The following CPQ variants were observed in gnomAD, a reference collection of about 807,000 sequenced individuals.
The protein encoded by CPQ is carboxypeptidase Q.
A neutral mutation model predicts 45.7 loss-of-function variants in CPQ; 37 were observed. The ratio of observed to expected loss-of-function variants is 0.81; its 90% CI spans 0.62 to 1.07. The LOEUF (loss-of-function observed/expected upper bound fraction) is 1.07, where lower values mean the gene tolerates loss of function less well. Among genes scored for constraint, CPQ ranks in the 50% least tolerant of loss-of-function variants. The pLI, the probability that CPQ is intolerant of heterozygous loss-of-function variation, is 0.00. For missense variants in CPQ, 537 were observed against 572.9 expected, an observed-to-expected ratio of 0.94 and a Z score of 0.64; for synonymous variants, 186 against 205.8, an observed-to-expected ratio of 0.90 and a Z score of 0.82.
chr8:96,940,872 A>G (rs1251217580), intron 4 of CPQ, among the ~76,000 whole-genome samples: 2 of 152,122 alleles, frequency 1.3e-5, no homozygotes, highest in Non-Finnish European at 2.9e-5. Flanking sequence ...AGGAGACATT[A>G]AACGTTCTAT....
chr8:96,843,599 A>G (rs1811645931), intron 3 of CPQ, among the ~76,000 whole-genome samples: 1 of 152,184 alleles, frequency 6.6e-6, no homozygotes, highest in Non-Finnish European at 1.5e-5. Context: ...GCAATTCTGC[A>G]GACAGACTGT....
chr8:96,818,872 T>C lies in CPQ; in HGVS notation c.434-16101T>C, dbSNP rs76149126. On this transcript the variant is annotated intron_variant, in intron 2 of 7. Coordinates refer to ENST00000220763, the MANE Select transcript of CPQ (RefSeq NM_016134.4). ...CAAATCCTTCTTTCCTTTTTCTAATTGCACTCCTTTTATACTCCCGTATCA... is the reference window on the plus strand; with the variant it reads ...CAAATCCTTCTTTCCTTTTTCTAATCGCACTCCTTTTATACTCCCGTATCA... Among the ~76,000 whole-genome samples, 38 of 152,228 alleles carry C rather than the reference T, an allele frequency of 2.5e-4. 1 individual carries two copies. In the East Asian group the frequency reaches 7.4e-3, roughly 30 times the overall value.
chr8:96,927,033 T>C (rs1413003479), intron 4 of CPQ, among the ~76,000 whole-genome samples: 2 of 152,222 alleles, frequency 1.3e-5, no homozygotes, highest in Non-Finnish European at 2.9e-5. Flanking sequence ...ACATGAGAAA[T>C]TTAGGTAGCA....
At chr8:96,696,755 C>T (rs113877278) in intron 1 of CPQ, among the ~76,000 whole-genome samples, 3,677 of 151,956 alleles carry the variant, frequency 0.024, 164 homozygotes, top group African/African-American at 0.084. Context: ...TGCCAATAAA[C>T]TTGAAAACCT....
intron 6 of CPQ, among the ~76,000 whole-genome samples, chr8:97,044,099 TG>T (rs1454644669): frequency 2.4e-3 from 372 of 152,316 alleles, no homozygotes; most frequent in Non-Finnish European, 4.3e-3. Flanking sequence ...GGTTCCATTC[TG>T]CCTGTCACTT....
intron 4 of CPQ, among the ~76,000 whole-genome samples, chr8:96,908,196 G>T (rs1383929262): frequency 6.6e-6 from 1 of 151,850 alleles, no homozygotes; most frequent in Non-Finnish European, 1.5e-5. Context: ...GGAGAAGAGA[G>T]AGAGAAGAGA....
intron 7 of CPQ, among the ~76,000 whole-genome samples, chr8:97,103,470 A>G (rs1811351640): frequency 6.6e-6 from 1 of 152,198 alleles, no homozygotes; most frequent in African/African-American, 2.4e-5. Flanking sequence ...CTCCTGTCTT[A>G]TCTCTACTTG....
chr8:96,924,371 T>C (rs771732609), intron 4 of CPQ, among the ~76,000 whole-genome samples: 2 of 152,218 alleles, frequency 1.3e-5, no homozygotes, highest in Admixed American at 6.5e-5. Flanking sequence ...TATGTATAGC[T>C]TCCCTTTCTC....
At chr8:96,831,335 G>A (rs1484011889) in intron 2 of CPQ, among the ~76,000 whole-genome samples, 1 of 152,090 alleles carries the variant, frequency 6.6e-6, no homozygotes, top group Non-Finnish European at 1.5e-5. Context: ...GATAAATGCT[G>A]TAAAAAAAAT....
At chr8:97,034,198 G>T (rs1478898314) in intron 6 of CPQ, among the ~76,000 whole-genome samples, 1 of 152,072 alleles carries the variant, frequency 6.6e-6, no homozygotes, top group African/African-American at 2.4e-5. Context: ...TGGCAAAAAT[G>T]GTCTATAAGC....
intron 1 of CPQ, among the ~76,000 whole-genome samples, chr8:96,665,590 A>C (rs1198303418): frequency 1.3e-5 from 2 of 152,242 alleles, no homozygotes. Flanking sequence ...AAGTGAAAGT[A>C]ATTCAACCAA....
intron 1 of CPQ, among the ~76,000 whole-genome samples, chr8:96,758,500 A>T (rs901342217): frequency 3.3e-5 from 5 of 152,148 alleles, no homozygotes; most frequent in Non-Finnish European, 7.4e-5. Context: ...AGTAATTCTG[A>T]TCTTTGGCTT....
chr8:96,675,734 G>A (rs1335233931), intron 1 of CPQ, among the ~76,000 whole-genome samples: 1 of 152,012 alleles, frequency 6.6e-6, no homozygotes, highest in Non-Finnish European at 1.5e-5. Context: ...TGATGGAGGG[G>A]AACAGCACTC....
At chr8:97,138,533 T>C (rs921923236) in intron 7 of CPQ, among the ~76,000 whole-genome samples, 1 of 152,196 alleles carries the variant, frequency 6.6e-6, no homozygotes, top group African/African-American at 2.4e-5. Flanking sequence ...CATAGAAACA[T>C]ACCTCCCCTT....
intron 3 of CPQ, among the ~76,000 whole-genome samples, chr8:96,850,013 A>C (rs901685435): frequency 6.6e-6 from 1 of 152,138 alleles, no homozygotes; most frequent in Admixed American, 6.5e-5. Context: ...TCAAGTCTCC[A>C]TCAGACTACA....
intron 2 of CPQ, among the ~76,000 whole-genome samples, chr8:96,817,290 C>A (rs1811240915): frequency 6.6e-6 from 1 of 152,126 alleles, no homozygotes; most frequent in Non-Finnish European, 1.5e-5. Flanking sequence ...GAACCAACCT[C>A]TGCTAGCTTA....
At chr8:96,976,336 T>C (rs1370195662) in intron 5 of CPQ, among the ~76,000 whole-genome samples, 2 of 149,248 alleles carry the variant, frequency 1.3e-5, no homozygotes, top group East Asian at 3.9e-4. Flanking sequence ...AAAGCTCTGC[T>C]GAAAGAAATC....
In CPQ at chr8:96,979,814, T is replaced by C. The variant is rs369776869; in HGVS notation, c.961+13768T>C. Among the ~76,000 whole-genome samples, 212 of 152,296 alleles carry C rather than the reference T, an allele frequency of 1.4e-3. 1 individual carries two copies. Among genetic ancestry groups the C allele is most frequent in the African/African-American group, 4.9e-3 (205 of 41,574 alleles). ...AGGATAAAGAAAGTATTGAGGGAAG[T>C]TGATTATTATAAGAGTACTTATTTA... On this transcript the variant is annotated intron_variant, in intron 5 of 7. Coordinates refer to ENST00000220763, the MANE Select transcript of CPQ (RefSeq NM_016134.4).
chr8:96,824,184 C>T (rs1392433476), intron 2 of CPQ, among the ~76,000 whole-genome samples: 1 of 152,030 alleles, frequency 6.6e-6, no homozygotes, highest in Non-Finnish European at 1.5e-5. Flanking sequence ...CCATCTCTTT[C>T]TGTTAGAAAT....
Sources: gnomAD v4.1 joint callset for allele counts (sites outside exome capture counted in the v4.1 genomes callset) on GRCh38, gnomAD v4.1.1 for gene constraint, MANE v1.5 for transcripts, NCBI Gene and HGNC (gene_info 2026-07-23, HGNC 2026-07-21) for gene names.